The following SYT16 variants were observed in gnomAD, a reference collection of about 807,000 sequenced individuals.
The protein encoded by SYT16 is synaptotagmin-16.
A neutral mutation model predicts 61.4 loss-of-function variants in SYT16; 42 were observed. The ratio of observed to expected loss-of-function variants is 0.68; its 90% CI spans 0.53 to 0.89. The LOEUF (loss-of-function observed/expected upper bound fraction) is 0.89, where lower values mean the gene tolerates loss of function less well. Among genes scored for constraint, SYT16 ranks in the 40% least tolerant of loss-of-function variants. The probability of loss-of-function intolerance (pLI) is 0.00; values close to 1 mark genes in which losing one functional copy is unlikely to be tolerated. For synonymous variants in SYT16, 314 were observed against 302.3 expected (o/e 1.04, Z -0.40); for missense variants, 804 against 807.3 (o/e 1.00, Z 0.05).
chr14:61,827,753 T>C (rs1419855385), intron 1 of SYT16, among the ~76,000 whole-genome samples: 1 of 152,240 alleles, frequency 6.6e-6, no homozygotes, highest in Non-Finnish European at 1.5e-5. Context: ...GGAACTACAC[T>C]GTACATACTG....
At chr14:61,913,080 C>T (rs1478262495) in intron 1 of SYT16, among the ~76,000 whole-genome samples, 2 of 152,194 alleles carry the variant, frequency 1.3e-5, no homozygotes, top group African/African-American at 4.8e-5. Context: ...CCCTATCCCT[C>T]CCTATCCTGT....
intron 1 of SYT16, among the ~76,000 whole-genome samples, chr14:61,899,349 A>C (rs2048430928): frequency 6.6e-6 from 1 of 152,326 alleles, no homozygotes; most frequent in African/African-American, 2.4e-5. Flanking sequence ...CATGGCTGTT[A>C]GAGAAGCAAA....
chr14:62,028,761 C>CT (rs1159121760), intron 3 of SYT16, among the ~76,000 whole-genome samples: 107 of 151,976 alleles, frequency 7.0e-4, no homozygotes, highest in Non-Finnish European at 1.2e-3. Context: ...AATAAATACT[C>CT]TTTTTTTAAA....
chr14:62,068,369 ACAAAAC>A (rs1438014813), intron 3 of SYT16, among the ~76,000 whole-genome samples: 2 of 356 alleles, frequency 5.6e-3, no homozygotes, highest in Non-Finnish European at 8.3e-3. Context: ...ATCTAAAAAA[ACAAAAC>A]AAAACAAAAC....
intron 1 of SYT16, among the ~76,000 whole-genome samples, chr14:61,817,584 C>T (rs1018468632): frequency 2.0e-5 from 3 of 152,038 alleles, no homozygotes; most frequent in Non-Finnish European, 4.4e-5. Flanking sequence ...TTCTGTAAGT[C>T]AGTGTCATGA....
chr14:61,965,026 TA>T (rs2051258412), intron 1 of SYT16, among the ~76,000 whole-genome samples: 1 of 151,990 alleles, frequency 6.6e-6, no homozygotes, highest in South Asian at 2.1e-4. Flanking sequence ...CACTGGGAAA[TA>T]AAAAAATTGT....
chr14:61,998,269 GAC>G (rs1424080377), intron 3 of SYT16, among the ~76,000 whole-genome samples: 1 of 151,800 alleles, frequency 6.6e-6, no homozygotes, highest in Non-Finnish European at 1.5e-5. Flanking sequence ...TTGACAAATA[GAC>G]ACAGTCTTGT....
chr14:61,978,609 G>A (rs2051921194), intron 2 of SYT16, among the ~76,000 whole-genome samples: 1 of 152,194 alleles, frequency 6.6e-6, no homozygotes, highest in Admixed American at 6.5e-5. Context: ...TAAAGGTGTG[G>A]CCAGGTGGAG....
chr14:62,075,303 A>G lies in SYT16; in HGVS notation c.905A>G (p.Glu302Gly), dbSNP rs1423772246. The G allele has an allele frequency of 1.2e-6, 2 of 1,613,804 alleles. No homozygotes were observed. Among genetic ancestry groups the G allele is most frequent in the African/African-American group, 1.3e-5 (1 of 74,912 alleles). The change falls in exon 5 of 8, where the codon GAG (glutamate) becomes GGG (glycine). Residue 302 changes from glutamate to glycine, a missense_variant. Glu to Gly is a moderately conservative substitution (Grantham distance 98). Coordinates refer to ENST00000683842, the MANE Select transcript of SYT16 (RefSeq NM_001367656.1). The part of the protein sequence containing the change: ...VVQSLRRQST[E>G]GSLEMETAFN... ...CAAAGCCTCAGGCGCCAATCCACAG[A>G]GGGCAGCTTGGAGATGGAGACAGCT...
At chr14:61,842,234 T>C (rs559651816) in intron 1 of SYT16, among the ~76,000 whole-genome samples, 401 of 152,342 alleles carry the variant, frequency 2.6e-3, no homozygotes, top group Admixed American at 4.5e-3. Context: ...TTATTAACTG[T>C]AGTTACCCTG....
At chr14:61,820,984 C>T (rs1013253416) in intron 1 of SYT16, among the ~76,000 whole-genome samples, 1 of 152,156 alleles carries the variant, frequency 6.6e-6, no homozygotes, top group Non-Finnish European at 1.5e-5. Flanking sequence ...CCCATGTTGA[C>T]ATTCCCTGTC....
intron 3 of SYT16, among the ~76,000 whole-genome samples, chr14:62,066,163 A>G (rs2056052743): frequency 6.6e-6 from 1 of 152,246 alleles, no homozygotes; most frequent in Non-Finnish European, 1.5e-5. Flanking sequence ...AAATGATCCA[A>G]AAACAAGGCA....
intron 3 of SYT16, among the ~76,000 whole-genome samples, chr14:61,998,265 A>C (rs2052851011): frequency 6.6e-6 from 1 of 151,992 alleles, no homozygotes; most frequent in Admixed American, 6.6e-5. Context: ...CTTTTTGACA[A>C]ATAGACACAG....
chr14:61,956,544 T>C (rs1295800592), intron 1 of SYT16, among the ~76,000 whole-genome samples: 3 of 152,038 alleles, frequency 2.0e-5, no homozygotes, highest in African/African-American at 7.2e-5. Flanking sequence ...TACTGAACCA[T>C]TTGTGGAAAA....
At chr14:62,082,748 G>A (rs1358427165) in intron 6 of SYT16, among the ~76,000 whole-genome samples, 3 of 152,216 alleles carry the variant, frequency 2.0e-5, no homozygotes, top group African/African-American at 7.2e-5. Flanking sequence ...CTTGGGAATG[G>A]GGATGATCAC....
At chr14:62,050,433 C>T (rs1201866157) in intron 3 of SYT16, among the ~76,000 whole-genome samples, 11 of 152,186 alleles carry the variant, frequency 7.2e-5, no homozygotes, top group South Asian at 6.2e-4. Context: ...TCCTTTAGCT[C>T]GGAGTAGTTT....
chr14:61,868,540 T>G (rs1364652062), intron 1 of SYT16, among the ~76,000 whole-genome samples: 2 of 151,946 alleles, frequency 1.3e-5, no homozygotes, highest in Admixed American at 1.3e-4. Flanking sequence ...ATTTTTAAAT[T>G]TCCCTTTTGA....
chr14:61,980,992 A>T (rs1194696816), intron 2 of SYT16, among the ~76,000 whole-genome samples: 1 of 151,822 alleles, frequency 6.6e-6, no homozygotes, highest in Non-Finnish European at 1.5e-5. Flanking sequence ...GTGTAGAGAG[A>T]GTTTAAGGAA....
chr14:62,086,194 C>T (rs2140988047), intron 7 of SYT16, among the ~76,000 whole-genome samples: 1 of 152,304 alleles, frequency 6.6e-6, no homozygotes, highest in African/African-American at 2.4e-5. Flanking sequence ...TTGTGAGTTA[C>T]TGGCTAGGCA....
Sources: allele counts gnomAD v4.1 joint callset (sites outside exome capture counted in the v4.1 genomes callset), GRCh38; gene constraint gnomAD v4.1.1; transcripts MANE v1.5; gene names NCBI Gene and HGNC (gene_info 2026-07-23, HGNC 2026-07-21).